The following SHISA6 variants were observed in gnomAD, a reference collection of about 807,000 sequenced individuals.
SHISA6 encodes shisa family member 6.
Under a neutral mutation model 47.9 loss-of-function variants are expected in SHISA6, and 22 were observed. The ratio of observed to expected loss-of-function variants is 0.46; its 90% CI spans 0.33 to 0.66. The LOEUF (loss-of-function observed/expected upper bound fraction) is 0.66, where lower values mean the gene tolerates loss of function less well. SHISA6 is among the 30% of genes least tolerant of loss of function. The probability of loss-of-function intolerance (pLI) is 0.02; values close to 1 mark genes in which losing one functional copy is unlikely to be tolerated. For missense variants in SHISA6, 680 were observed against 764.6 expected, an observed-to-expected ratio of 0.89 and a Z score of 1.30; for synonymous variants, 388 against 337.8, an observed-to-expected ratio of 1.15 and a Z score of -1.63.
chr17:11,375,998 G>A (rs1912785319), intron 2 of SHISA6, among the ~76,000 whole-genome samples: 1 of 152,164 alleles, frequency 6.6e-6, no homozygotes, highest in African/African-American at 2.4e-5. Flanking sequence ...CTGTGACATG[G>A]AAGTGCTTAT....
chr17:11,279,510 T>G (rs906645306), intron 2 of SHISA6, among the ~76,000 whole-genome samples: 4 of 152,172 alleles, frequency 2.6e-5, no homozygotes, highest in Middle Eastern at 6.8e-3. Flanking sequence ...GACCGGAAAC[T>G]CTGCAATGCC....
At chr17:11,301,591 C>T (rs1453114610) in intron 2 of SHISA6, among the ~76,000 whole-genome samples, 1 of 152,200 alleles carries the variant, frequency 6.6e-6, no homozygotes, top group Non-Finnish European at 1.5e-5. Flanking sequence ...CTTCAGTCAA[C>T]CTCCTTGCCG....
chr17:11,511,803 G>T lies in SHISA6; in HGVS notation c.896-40093G>T, dbSNP rs139268781. ...GCAGCTGGTGAAGGAGATAAACAAG[G>T]TTCCTGCATTAGAGAAGACAGTAAT... On this transcript the variant is annotated intron_variant, in intron 3 of 5. Transcript: ENST00000441885. Among the ~76,000 whole-genome samples the T allele has an allele frequency of 3.4e-4, 52 of 152,304 alleles. 1 individual carries two copies. In the East Asian group the frequency reaches 9.1e-3, roughly 27 times the overall value.
At chr17:11,348,713 T>C (rs1911778910) in intron 2 of SHISA6, among the ~76,000 whole-genome samples, 1 of 152,128 alleles carries the variant, frequency 6.6e-6, no homozygotes, top group Non-Finnish European at 1.5e-5. Context: ...AGAAACAAGT[T>C]CATTTGGGGC....
At chr17:11,493,333 T>C (rs1437619641) in intron 3 of SHISA6, among the ~76,000 whole-genome samples, 1 of 152,120 alleles carries the variant, frequency 6.6e-6, no homozygotes, top group Non-Finnish European at 1.5e-5. Flanking sequence ...TTCAAGCAAT[T>C]CTCCTGCCTC....
At chr17:11,483,313 A>C (rs2142332224) in intron 3 of SHISA6, among the ~76,000 whole-genome samples, 1 of 152,170 alleles carries the variant, frequency 6.6e-6, no homozygotes, top group South Asian at 2.1e-4. Context: ...AAAAAAAAAA[A>C]AATGCAGCAA....
intron 3 of SHISA6, among the ~76,000 whole-genome samples, chr17:11,449,881 A>G (rs1915337398): frequency 6.6e-6 from 1 of 151,950 alleles, no homozygotes; most frequent in Admixed American, 6.6e-5. Context: ...TCTCCTATGA[A>G]TCTCTTCTTT....
chr17:11,245,880 C>T (rs1049908275), intron 1 of SHISA6, among the ~76,000 whole-genome samples: 2 of 152,258 alleles, frequency 1.3e-5, no homozygotes, highest in Non-Finnish European at 2.9e-5. Flanking sequence ...CAAGGGAATA[C>T]TTTGTTCTAC....
At chr17:11,311,536 AAG>A (rs1426703466) in intron 2 of SHISA6, among the ~76,000 whole-genome samples, 5 of 152,176 alleles carry the variant, frequency 3.3e-5, no homozygotes, top group African/African-American at 1.2e-4. Flanking sequence ...TTAGCAGCAT[AAG>A]TATAAGGCAT....
intron 2 of SHISA6, among the ~76,000 whole-genome samples, chr17:11,300,652 G>T (rs1296070517): frequency 6.6e-6 from 1 of 151,750 alleles, no homozygotes; most frequent in Non-Finnish European, 1.5e-5. Context: ...GCCAGTTTAG[G>T]ACTTTTTTTT....
chr17:11,526,226 T>C (rs932275646), intron 3 of SHISA6, among the ~76,000 whole-genome samples: 2 of 152,094 alleles, frequency 1.3e-5, no homozygotes, highest in African/African-American at 2.4e-5. Flanking sequence ...TTCTTTCAGC[T>C]AAACTGTTGG....
chr17:11,513,644 T>C (rs2071559731), intron 3 of SHISA6, among the ~76,000 whole-genome samples: 1 of 152,208 alleles, frequency 6.6e-6, no homozygotes, highest in African/African-American at 2.4e-5. Flanking sequence ...TCCTGCCTTT[T>C]CACTAAATAA....
intron 3 of SHISA6, among the ~76,000 whole-genome samples, chr17:11,543,946 G>A (rs1388937517): frequency 3.5e-5 from 5 of 141,662 alleles, no homozygotes; most frequent in Non-Finnish European, 6.1e-5. Flanking sequence ...GAACTTCAAT[G>A]TAAGTCTCCT....
rs1206055192 is a variant in SHISA6 at position 11,544,638 on chromosome 17, T to C, written c.896-7258T>C. Among the ~76,000 whole-genome samples, 3 of 152,176 alleles carry C rather than the reference T, an allele frequency of 2.0e-5. No homozygotes were observed. The East Asian group carries it at 5.8e-4, about 29-fold the overall frequency. ...GGAATGTAAAATGGTACAGTCACTA[T>C]GGAAAACAGTTTGGAAGATTTTTTA... On this transcript the variant is annotated intron_variant, in intron 3 of 5. Transcript: ENST00000441885.
At chr17:11,316,082 T>C (rs909309201) in intron 2 of SHISA6, among the ~76,000 whole-genome samples, 1 of 152,184 alleles carries the variant, frequency 6.6e-6, no homozygotes, top group Non-Finnish European at 1.5e-5. Flanking sequence ...ACATTAATTT[T>C]CATTATATCC....
intron 3 of SHISA6, among the ~76,000 whole-genome samples, chr17:11,425,818 A>G (rs1438729068): frequency 6.6e-6 from 1 of 152,162 alleles, no homozygotes; most frequent in Non-Finnish European, 1.5e-5. Flanking sequence ...CCAGACCTTA[A>G]ATCCCCTAAG....
chr17:11,322,699 C>G (rs1184289193), intron 2 of SHISA6, among the ~76,000 whole-genome samples: 2 of 152,116 alleles, frequency 1.3e-5, no homozygotes, highest in Non-Finnish European at 2.9e-5. Context: ...TATTTGATCC[C>G]TGTTGGAGAA....
In SHISA6 at chr17:11,557,804, C is replaced by G. The variant is rs1033217192; in HGVS notation, c.1156C>G (p.Leu386Val). ...CATGAGACGGCGGCACCTGCCCGACCTGGCTGCCCGCGGCACCCTCCCCCT... is the reference window on the plus strand; with the variant it reads ...CATGAGACGGCGGCACCTGCCCGACGTGGCTGCCCGCGGCACCCTCCCCCT... ...YYMRRRHLPD[L>V]AARGTLPLNV... The change falls in exon 6 of 6, where the codon CTG (leucine) becomes GTG (valine). Residue 386 changes from leucine (L) to valine (V), a missense_variant. Transcript: ENST00000441885. 6.4e-7 allele frequency: 1 copy of G among 1,551,246 alleles called. No homozygotes were observed. Among genetic ancestry groups the G allele is most frequent in the Non-Finnish European group, 8.7e-7 (1 of 1,146,896 alleles).
intron 2 of SHISA6, among the ~76,000 whole-genome samples, chr17:11,311,656 C>T (rs1910345580): frequency 6.6e-6 from 1 of 152,130 alleles, no homozygotes; most frequent in Admixed American, 6.5e-5. Context: ...ATAGCACACC[C>T]ATTTTATTGG....
Sources: gnomAD v4.1 joint callset for allele counts (sites outside exome capture counted in the v4.1 genomes callset) on GRCh38, gnomAD v4.1.1 for gene constraint, MANE v1.5 for transcripts, NCBI Gene and HGNC (gene_info 2026-07-23, HGNC 2026-07-21) for gene names.